Variants in SPAG9 observed in about 807,000 individuals in gnomAD.
SPAG9 encodes the protein C-Jun-amino-terminal kinase-interacting protein 4.
A neutral mutation model predicts 166.5 loss-of-function variants in SPAG9; 35 were observed. The observed-to-expected ratio is 0.21, with a 90% CI of 0.16 to 0.28. The LOEUF is 0.28. SPAG9 is among the 10% of genes least tolerant of loss of function. The pLI, the probability that SPAG9 is intolerant of heterozygous loss-of-function variation, is 1.00. For missense variants in SPAG9, 1,235 were observed against 1,603.3 expected, an observed-to-expected ratio of 0.77 and a Z score of 3.92; for synonymous variants, 534 against 565.5, an observed-to-expected ratio of 0.94 and a Z score of 0.79.
chr17:50,982,562 T>G lies in SPAG9; in HGVS notation c.3199A>C (p.Lys1067Gln). The change falls in exon 25 of 30, where the codon AAA (lysine) becomes CAA (glutamine). Residue 1067 changes from lysine to glutamine, a missense_variant. Transcript: ENST00000262013. The stretch of plus-strand genomic sequence containing the variant: ...GCCTTTGGCTGCACCACATAGATTT[T>G]GTTCCTATAGCCACACCAGACTTTG... ...HDKVWCGYRNKIYVVQPKAMK... is the reference protein window; with the variant it reads ...HDKVWCGYRNQIYVVQPKAMK... The G allele has an allele frequency of 6.2e-7, 1 of 1,613,816 alleles. No homozygotes were observed. Among genetic ancestry groups the G allele is most frequent in the Non-Finnish European group, 8.5e-7 (1 of 1,179,946 alleles).
chr17:51,053,848 AAAAAAAGTATAT>A (rs1335878376), intron 3 of SPAG9, among the ~76,000 whole-genome samples: 6 of 64,256 alleles, frequency 9.3e-5, no homozygotes, highest in African/African-American at 4.6e-4. Flanking sequence ...AAAAAAAAAA[AAAAAAAGTATAT>A]ATATATATAT....
chr17:51,061,770 A>G (rs2144549214), intron 2 of SPAG9, among the ~76,000 whole-genome samples: 1 of 152,130 alleles, frequency 6.6e-6, no homozygotes, highest in East Asian at 1.9e-4. Context: ...AGTTCTAGTA[A>G]TCATTTTGTT....
chr17:51,041,707 C>T, intron 4 of SPAG9, 56 bp from the exon 5 acceptor site: 1 of 1,546,392 alleles, frequency 6.5e-7, no homozygotes, highest in Non-Finnish European at 8.9e-7. Flanking sequence ...TTTTTATTTG[C>T]CATGACTATA....
In SPAG9 at chr17:51,014,257, A is replaced by G. The variant is rs1597994259; in HGVS notation, c.1188T>C (p.Asp396=). The change falls in exon 9 of 30, where the codon GAT becomes GAC. Residue 396 remains aspartate (D), a synonymous_variant. Coordinates refer to ENST00000262013, the MANE Select transcript of SPAG9 (RefSeq NM_001130528.3). The stretch of plus-strand genomic sequence containing the variant: ...CTAGTAAATCTGCTCCTTCATCCAC[A>G]TCTCCTATTAGGCCTGAGCCAGCTG... ...LSSAGSGLIG[D]VDEGADLLGM... is the part of the protein sequence containing the mutation. The G allele has an allele frequency of 1.2e-6, 2 of 1,612,918 alleles. No homozygotes were observed. The highest frequency in any genetic ancestry group is 1.7e-6 in the Non-Finnish European group (2 of 1,179,254).
rs754797163 is a variant in SPAG9, at chr17:50,998,521, C to T, written c.1761G>A (p.Pro587=). 1.5e-5 allele frequency: 24 copies of T among 1,613,966 alleles called. No homozygotes were observed. Among genetic ancestry groups the T allele is most frequent in the Admixed American group, 6.7e-5 (4 of 60,000 alleles). ...KYNAPTSHVT[P]SVKKRSSTLS... is the part of the protein sequence containing the mutation. ...AGGTGCTGCTTCTTTTCTTGACGGACGGAGTAACATGAGACGTGGGTGCAT... is the reference window on the plus strand; with the variant it reads ...AGGTGCTGCTTCTTTTCTTGACGGATGGAGTAACATGAGACGTGGGTGCAT... The change falls in exon 15 of 30, where the codon CCG becomes CCA. Residue 587 remains proline (P), a synonymous_variant. Coordinates refer to ENST00000262013, the MANE Select transcript of SPAG9 (RefSeq NM_001130528.3).
intron 1 of SPAG9, among the ~76,000 whole-genome samples, chr17:51,095,912 G>GAT (rs554956506): frequency 3.7e-5 from 5 of 134,592 alleles, no homozygotes; most frequent in Non-Finnish European, 6.3e-5. Flanking sequence ...TATATATAGT[G>GAT]ATATATATAT....
chr17:51,032,882 C>T (rs889660859), intron 5 of SPAG9, among the ~76,000 whole-genome samples: 1 of 151,786 alleles, frequency 6.6e-6, no homozygotes, highest in Non-Finnish European at 1.5e-5. Flanking sequence ...TGCAGTGAGC[C>T]GAGATCACGC....
chr17:51,077,153 T>C (rs558991019), intron 2 of SPAG9, among the ~76,000 whole-genome samples: 3 of 151,126 alleles, frequency 2.0e-5, no homozygotes, highest in Non-Finnish European at 4.4e-5. Context: ...TGAGACAGTT[T>C]CACTCTTGTT....
At chr17:51,021,451 A>G (rs1157302692) in intron 6 of SPAG9, 86 bp from the exon 7 acceptor site, 2 of 1,133,382 alleles carry the variant, frequency 1.8e-6, no homozygotes, top group Admixed American at 2.8e-5. Context: ...TAAATCTACC[A>G]AAGAAAGTTC....
At chr17:51,058,865 T>C (rs1177533203) in intron 2 of SPAG9, among the ~76,000 whole-genome samples, 1 of 152,210 alleles carries the variant, frequency 6.6e-6, no homozygotes, top group African/African-American at 2.4e-5. Context: ...ATTTAAGAAC[T>C]GTTTGGCAAG....
intron 9 of SPAG9, among the ~76,000 whole-genome samples, chr17:51,012,395 C>T (rs1392678204): frequency 6.6e-6 from 1 of 151,956 alleles, no homozygotes; most frequent in Non-Finnish European, 1.5e-5. Context: ...TATAGTAAAA[C>T]CCCATCTCTA....
At chr17:51,000,008 T>A (rs2044861800) in intron 13 of SPAG9, among the ~76,000 whole-genome samples, 1 of 152,230 alleles carries the variant, frequency 6.6e-6, no homozygotes, top group Non-Finnish European at 1.5e-5. Flanking sequence ...ATATTTAAAA[T>A]TTTTTATTGA....
chr17:51,002,405 T>C (rs535246174), intron 12 of SPAG9, among the ~76,000 whole-genome samples: 1 of 152,296 alleles, frequency 6.6e-6, no homozygotes, highest in African/African-American at 2.4e-5. Flanking sequence ...TATTTGAACA[T>C]ATTATAAAGA....
intron 1 of SPAG9, among the ~76,000 whole-genome samples, chr17:51,080,886 CAAAAAAAAAAAA>C (rs200436430): frequency 1.5e-4 from 10 of 67,852 alleles, no homozygotes; most frequent in South Asian, 4.9e-4. Context: ...GACTCTATCT[CAAAAAAAAAAAA>C]AAAAAAAAAA....
In SPAG9 at chr17:51,077,078, C is replaced by T. The variant is rs573642383; in HGVS notation, c.424+2506G>A. Among the ~76,000 whole-genome samples, 53 of 116,748 alleles carry T rather than the reference C, an allele frequency of 4.5e-4. 1 individual carries two copies. The highest frequency in any genetic ancestry group is 9.7e-4 in the Admixed American group (12 of 12,332). 76.6% of individuals were successfully genotyped at this position (116,748 alleles called of 152,430 possible). On this transcript the variant is annotated intron_variant, in intron 2 of 29. Coordinates refer to ENST00000262013, the MANE Select transcript of SPAG9 (RefSeq NM_001130528.3). Reference sequence around the variant, plus strand: ...GCTAGCTATCTAGCTAGCTATCTAGCTATCTAGCTAGCTATCTATCTAGCT... The same window carrying T: ...GCTAGCTATCTAGCTAGCTATCTAGTTATCTAGCTAGCTATCTATCTAGCT...
At chr17:51,093,217 AC>A (rs2048517465) in intron 1 of SPAG9, among the ~76,000 whole-genome samples, 1 of 151,670 alleles carries the variant, frequency 6.6e-6, no homozygotes, top group East Asian at 1.9e-4. Context: ...TTTAAAAAAA[AC>A]AAAAAAATGA....
rs1973248773 is a variant in SPAG9 at position 50,964,252 on chromosome 17, C to A, written c.*2020G>T. On this transcript the variant is annotated 3_prime_UTR_variant, in exon 30 of 30. Transcript: ENST00000262013. ...CCTTCTGATGATTGGGGGCCTTTAT[C>A]CCATAGGTTTATACTGTTAAAACAG... The A allele has an allele frequency of 6.6e-6, 1 of 152,124 alleles. No individual in the cohort carries two copies. The highest frequency in any genetic ancestry group is 1.5e-5 in the Non-Finnish European group (1 of 68,038). 9.4% of individuals were successfully genotyped at this position (152,124 alleles called of 1,614,324 possible).
intron 3 of SPAG9, among the ~76,000 whole-genome samples, chr17:51,052,654 T>C (rs1200353862): frequency 1.3e-5 from 2 of 152,132 alleles, no homozygotes; most frequent in Admixed American, 6.5e-5. Context: ...AAAAAGTATA[T>C]GTTTTCATTT....
intron 1 of SPAG9, among the ~76,000 whole-genome samples, chr17:51,112,151 G>C (rs1305242855): frequency 6.6e-6 from 1 of 151,974 alleles, no homozygotes; most frequent in African/African-American, 2.4e-5. Flanking sequence ...AACAAACATA[G>C]ATTGTTCATT....
Sources: allele counts gnomAD v4.1 joint callset (sites outside exome capture counted in the v4.1 genomes callset), GRCh38; gene constraint gnomAD v4.1.1; transcripts MANE v1.5; gene names NCBI Gene and HGNC (gene_info 2026-07-23, HGNC 2026-07-21).